Variants in SVEP1 observed in about 807,000 individuals in gnomAD.
The protein encoded by SVEP1 is sushi, von Willebrand factor type A, EGF and pentraxin domain containing 1.
In SVEP1, 164 loss-of-function variants were observed where a neutral mutation model predicts 367.3. That is an observed-to-expected ratio of 0.45 (90% CI 0.39 to 0.51). SVEP1 has a LOEUF of 0.51. Ranked by LOEUF, SVEP1 falls within the 20% of genes least tolerant of loss-of-function variation. The pLI is 0.00. For missense variants in SVEP1, 4,117 were observed against 4,425.3 expected, an observed-to-expected ratio of 0.93 and a Z score of 1.98; for synonymous variants, 1,666 against 1,611.6, an observed-to-expected ratio of 1.03 and a Z score of -0.81.
chr9:110,438,916 G>A (rs536104858), intron 27 of SVEP1, among the ~76,000 whole-genome samples: 2 of 152,178 alleles, frequency 1.3e-5, no homozygotes, highest in African/African-American at 2.4e-5. Flanking sequence ...CTGTATTTTC[G>A]TGACTAGAAA....
At chr9:110,402,237 T>C (rs564312876) in intron 39 of SVEP1, among the ~76,000 whole-genome samples, 8 of 152,298 alleles carry the variant, frequency 5.3e-5, no homozygotes, top group African/African-American at 1.7e-4. Flanking sequence ...TCATTACTTC[T>C]GTTCCATTTA....
At chr9:110,513,774 T>C (rs1340665930) in intron 4 of SVEP1, among the ~76,000 whole-genome samples, 174 bp downstream of exon 4, 1 of 152,184 alleles carries the variant, frequency 6.6e-6, no homozygotes, top group Non-Finnish European at 1.5e-5. Context: ...AGGATAGAGA[T>C]ATGTTCCGTG....
chr9:110,397,742 A>G (rs1481277465), intron 40 of SVEP1, among the ~76,000 whole-genome samples: 1 of 152,204 alleles, frequency 6.6e-6, no homozygotes, highest in African/African-American at 2.4e-5. Flanking sequence ...CCCATTCACA[A>G]TTGCTTCAAA....
chr9:110,502,658 G>C (rs780006131), intron 6 of SVEP1, among the ~76,000 whole-genome samples: 1 of 152,046 alleles, frequency 6.6e-6, no homozygotes, highest in Non-Finnish European at 1.5e-5. Flanking sequence ...AAGATTCACT[G>C]GTTCCTAATT....
In SVEP1 at chr9:110,524,718, T is replaced by TATTATTATTATTATTAC. The variant is rs35477110; in HGVS notation, c.965-10613_965-10612insGTAATAATAATAATAAT. On this transcript the variant is annotated intron_variant, in intron 3 of 47. Transcript: ENST00000374469. The stretch of plus-strand genomic sequence containing the variant: ...ATACAAATGTTATTATTATTATTAC[T>TATTATTATTATTATTAC]TTTTTTTTTTTTAAGCAGGGTCTCA... Among the ~76,000 whole-genome samples, 147 of 143,832 alleles carry TATTATTATTATTATTAC rather than the reference T, an allele frequency of 1.0e-3. 1 individual carries two copies. The highest frequency in any genetic ancestry group is 8.8e-3 in the East Asian group (43 of 4,900). The allele number at this position is 143,832 out of a possible 152,430, so 94.4% of individuals were successfully genotyped here.
chr9:110,411,334 C>T lies in SVEP1; in HGVS notation c.6377G>A (p.Cys2126Tyr). The T allele has an allele frequency of 6.2e-7, 1 of 1,614,060 alleles. No homozygotes were observed. The highest frequency in any genetic ancestry group is 8.5e-7 in the Non-Finnish European group (1 of 1,179,900). Reference sequence around the variant, plus strand: ...AGGGTTCCACTGCCCACCTCTCATACATTCAATCTTTGCTGAGGTGTTCAG... The same window carrying T: ...AGGGTTCCACTGCCCACCTCTCATATATTCAATCTTTGCTGAGGTGTTCAG... The part of the protein sequence containing the change: ...FVLNTSAKIE[C>Y]MRGGQWNPSP... Residue 2126 changes from cysteine (C) to tyrosine (Y), a missense_variant, in exon 37 of 48, where the codon TGT (cysteine) becomes TAT (tyrosine). Cys to Tyr is a radical substitution (Grantham distance 194). Around this residue, in one of 4 missense-constraint regions of SVEP1, gnomAD observed 1,765 missense variants for 1,781.1 expected, o/e 0.99. Transcript: ENST00000374469.
intron 27 of SVEP1, 84 bp from the exon 28 acceptor site, chr9:110,436,588 G>T: frequency 6.8e-7 from 1 of 1,468,088 alleles, no homozygotes; most frequent in South Asian, 1.4e-5. Context: ...ATGAAAGCAC[G>T]ACTGATACAA....
chr9:110,576,185 C>T (rs1171140022), intron 1 of SVEP1, among the ~76,000 whole-genome samples: 1 of 152,042 alleles, frequency 6.6e-6, no homozygotes, highest in Admixed American at 6.5e-5. Context: ...GATTTAGTTA[C>T]ACAATGTTTG....
intron 3 of SVEP1, among the ~76,000 whole-genome samples, chr9:110,531,643 C>A (rs989754114): frequency 2.0e-5 from 3 of 152,116 alleles, no homozygotes; most frequent in African/African-American, 7.2e-5. Context: ...TGTAAATTAC[C>A]CAGTCTCAGG....
rs541683353 is a variant in SVEP1, at chr9:110,536,918, CA to C, written c.964+9196del. ...ATTCATCTTGCATAACTAAAACTAA[CA>C]GATAGTCATTTAACAGTCCTAGTAA... On this transcript the variant is annotated intron_variant, in intron 3 of 47. Coordinates refer to ENST00000374469, the MANE Select transcript of SVEP1 (RefSeq NM_153366.4). Among the ~76,000 whole-genome samples the C allele has an allele frequency of 5.9e-5, 9 of 152,072 alleles. No individual in the cohort carries two copies. The East Asian group carries it at 1.5e-3, about 26-fold the overall frequency.
At chr9:110,458,897 C>T in intron 19 of SVEP1, 55 bp downstream of exon 19, 2 of 1,569,828 alleles carry the variant, frequency 1.3e-6, no homozygotes, top group South Asian at 1.2e-5. Context: ...ACAACAGAGA[C>T]AGGGAAAAGT....
chr9:110,476,233 T>C lies in SVEP1; in HGVS notation c.2570A>G (p.Asn857Ser). 6.2e-7 allele frequency: 1 copy of C among 1,613,198 alleles called. No individual in the cohort carries two copies. ...TGCAAAGCCATTTTCATAGTCATAA[T>C]TATATTCTAGGCAATATTTTTTGGT... ...NLTKKYCLEYNYDYENGFAIG... is the reference protein window; with the variant it reads ...NLTKKYCLEYSYDYENGFAIG... The change falls in exon 14 of 48, where the codon AAT (asparagine) becomes AGT (serine). Residue 857 changes from asparagine (N) to serine (S), a missense_variant. Physicochemically the swap from Asn to Ser is conservative, Grantham distance 46. Transcript: ENST00000374469.
intron 46 of SVEP1, among the ~76,000 whole-genome samples, chr9:110,374,778 A>C (rs960246861): frequency 6.6e-6 from 1 of 152,216 alleles, no homozygotes; most frequent in South Asian, 2.1e-4. Context: ...CGATTCCTCA[A>C]AAACCTAAAA....
In SVEP1 at chr9:110,389,622, A is replaced by G. The variant is rs769489917; in HGVS notation, c.9823-35T>C. 2.5e-6 allele frequency: 4 copies of G among 1,610,494 alleles called. No homozygotes were observed. The East Asian group carries it at 8.9e-5, about 36-fold the overall frequency. On this transcript the variant is annotated intron_variant, in intron 40 of 47. Transcript: ENST00000374469. ...AATGGAGAAAGGTCATCAAGATCAT[A>G]ACTCTACAATAGAAAGATAATAAGG...
intron 42 of SVEP1, among the ~76,000 whole-genome samples, chr9:110,387,005 C>T (rs1827535230): frequency 9.3e-6 from 1 of 107,040 alleles, no homozygotes; most frequent in African/African-American, 3.0e-5. Flanking sequence ...TTCCTATCCC[C>T]AGTAGAATTC....
chr9:110,407,729 C>A lies in SVEP1; in HGVS notation c.7871G>T (p.Cys2624Phe). Residue 2624 changes from cysteine (C) to phenylalanine (F), a missense_variant, in exon 38 of 48, where the codon TGT becomes TTT. Coordinates refer to ENST00000374469, the MANE Select transcript of SVEP1 (RefSeq NM_153366.4). ...TCCCTGGTCATCTTTGAGTTTAGTA[C>A]AGTCTCCAAAATCTATATGAGGAGG... The part of the protein sequence containing the change: ...GLPPHIDFGD[C>F]TKLKDDQGYF... The A allele has an allele frequency of 1.9e-6, 3 of 1,613,984 alleles. No homozygotes were observed. Among genetic ancestry groups the A allele is most frequent in the Non-Finnish European group, 2.5e-6 (3 of 1,179,890 alleles).
At chr9:110,552,262 C>T (rs1195028340) in intron 1 of SVEP1, among the ~76,000 whole-genome samples, 1 of 151,758 alleles carries the variant, frequency 6.6e-6, no homozygotes, top group Non-Finnish European at 1.5e-5. Context: ...GATCTCCTGA[C>T]CTCGTGATCC....
chr9:110,528,019 CT>C (rs367839782), intron 3 of SVEP1, among the ~76,000 whole-genome samples: 28 of 150,892 alleles, frequency 1.9e-4, no homozygotes, highest in African/African-American at 5.8e-4. Context: ...ATCAAAGTTG[CT>C]GCAAAAGACA....
At chr9:110,390,012 AGTGTGT>A (rs138667082) in intron 40 of SVEP1, among the ~76,000 whole-genome samples, 9 of 115,566 alleles carry the variant, frequency 7.8e-5, no homozygotes, top group African/African-American at 2.0e-4. Flanking sequence ...TATACACATA[AGTGTGT>A]GTGTGTGTGT....
Sources: gnomAD v4.1 joint callset for allele counts (sites outside exome capture counted in the v4.1 genomes callset) on GRCh38, gnomAD v4.1.1 for gene constraint, gnomAD v4.1.1 regional missense constraint, MANE v1.5 for transcripts, NCBI Gene and HGNC (gene_info 2026-07-23, HGNC 2026-07-21) for gene names.